Variants in GABRA3 observed in about 807,000 individuals in gnomAD.
The protein encoded by GABRA3 is gamma-aminobutyric acid receptor subunit alpha-3.
In GABRA3, 10 loss-of-function variants were observed where a neutral mutation model predicts 30.1. That is an observed-to-expected ratio of 0.33 (90% CI 0.20 to 0.56). The LOEUF is 0.56. Ranked by LOEUF, GABRA3 falls within the 20% of genes least tolerant of loss-of-function variation. The pLI is 0.89. For synonymous variants in GABRA3, 151 were observed against 146.8 expected (o/e 1.03, Z -0.21); for missense variants, 233 against 392.0 (o/e 0.59, Z 3.42).
chrX:152,257,525 C>G (rs999643592), intron 4 of GABRA3, among the ~76,000 whole-genome samples: 17 of 112,708 alleles, frequency 1.5e-4, no homozygotes, highest in African/African-American at 4.8e-4. Context: ...GAGTTATTCT[C>G]CAAACACTCT....
rs552616317 is a variant in GABRA3 at position 152,245,022 on chromosome X, C to T, written c.551+10756G>A. Among the ~76,000 whole-genome samples the T allele has an allele frequency of 2.7e-4, 30 of 110,843 alleles. 2 individuals carry two copies. The South Asian group carries it at 0.011, about 40-fold the overall frequency. ...AAAGGTTCCCACACTAACTAGAATC[C>T]TAAAGGTTAAAAATCTAAAGTTTAT... On this transcript the variant is annotated intron_variant, in intron 5 of 9. Transcript: ENST00000370314.
chrX:152,221,183 A>G (rs1603214494), intron 6 of GABRA3, among the ~76,000 whole-genome samples: 2 of 111,439 alleles, frequency 1.8e-5, no homozygotes, highest in African/African-American at 6.5e-5. Context: ...CTTTTCCAAG[A>G]TCATGGAGAT....
chrX:152,216,785 T>G (rs904989532), intron 6 of GABRA3, among the ~76,000 whole-genome samples: 6 of 109,675 alleles, frequency 5.5e-5, no homozygotes, highest in African/African-American at 2.0e-4. Flanking sequence ...TTGTATGATA[T>G]ATTTCAAAAT....
chrX:152,237,039 C>A (rs1454948682), intron 5 of GABRA3, among the ~76,000 whole-genome samples: 1 of 108,875 alleles, frequency 9.2e-6, no homozygotes, highest in African/African-American at 3.4e-5. Context: ...GTTGCCATTG[C>A]TTTTGGTGTT....
chrX:152,263,852 T>C (rs6627563), intron 4 of GABRA3, among the ~76,000 whole-genome samples: 5,640 of 111,341 alleles, frequency 0.051, 280 homozygotes, highest in African/African-American at 0.15. Flanking sequence ...AGAAACAACA[T>C]GCAATGGATC....
At chrX:152,369,300 T>C (rs889347428) in intron 1 of GABRA3, among the ~76,000 whole-genome samples, 1 of 111,695 alleles carries the variant, frequency 9.0e-6, no homozygotes, top group African/African-American at 3.3e-5. Context: ...TTCCACAATG[T>C]GTATATACCT....
chrX:152,255,194 A>T (rs957555733), intron 5 of GABRA3, among the ~76,000 whole-genome samples: 4 of 111,946 alleles, frequency 3.6e-5, no homozygotes, highest in Non-Finnish European at 5.6e-5. Context: ...ATAATCTTAA[A>T]TTGTTTGGAA....
chrX:152,292,268 T>C (rs1418003004), intron 3 of GABRA3, among the ~76,000 whole-genome samples: 1 of 111,986 alleles, frequency 8.9e-6, no homozygotes, highest in Non-Finnish European at 1.9e-5. Context: ...TCGAGGAATT[T>C]ATTCATTTCT....
At position 152,345,712 on chromosome X, in the gene GABRA3, T is replaced by C. The variant is rs202235982; in HGVS notation, c.141-10A>G. On this transcript the variant is annotated splice_polypyrimidine_tract_variant and intron_variant, in intron 2 of 9. Transcript: ENST00000370314. ...ATGCTTAGGAGACAGCCTGAGGCAA[T>C]GCAAGGAAAAGAAAAAAAATAATAG... 7 of 1,153,878 alleles carry C rather than the reference T, an allele frequency of 6.1e-6. No homozygotes were observed. The highest frequency in any genetic ancestry group is 8.0e-6 in the Non-Finnish European group (7 of 874,794).
At chrX:152,172,257 C>G (rs1196894055) in intron 9 of GABRA3, among the ~76,000 whole-genome samples, 1 of 111,566 alleles carries the variant, frequency 9.0e-6, no homozygotes, top group Non-Finnish European at 1.9e-5. Flanking sequence ...GAGACCCCAC[C>G]TCACATTATG....
intron 5 of GABRA3, among the ~76,000 whole-genome samples, chrX:152,231,148 T>G (rs200026115): frequency 0.058 from 6,034 of 104,838 alleles, 416 homozygotes; most frequent in East Asian, 0.33. Context: ...AGTGTATATA[T>G]ATATATACAC....
In GABRA3 at chrX:152,261,013, T is replaced by C. The variant is rs150103715; in HGVS notation, c.331-5015A>G. The stretch of plus-strand genomic sequence containing the variant: ...AGAGACCTCAGGAAACTTACAATCA[T>C]GGCAGAAGGGGAAGCAAACATGTCC... On this transcript the variant is annotated intron_variant, in intron 4 of 9. Transcript: ENST00000370314. Among the ~76,000 whole-genome samples, 309 of 111,875 alleles carry C rather than the reference T, an allele frequency of 2.8e-3. 2 individuals are homozygous for C. Among genetic ancestry groups the C allele is most frequent in the African/African-American group, 9.6e-3 (294 of 30,783 alleles).
rs1161786102 is a variant in GABRA3, at chrX:152,168,682, G to A, written c.1144-119C>T. 5.0e-5 allele frequency: 26 copies of A among 519,927 alleles called. No homozygotes were observed. In the East Asian group the frequency reaches 9.1e-4, roughly 18 times the overall value. 42.8% of individuals were successfully genotyped at this position (519,927 alleles called of 1,213,427 possible). ...GAGCCATGAGGGAAGTTAAGGCACA[G>A]GGGCCATGTAGCCAATAGCACTAGT... On this transcript the variant is annotated intron_variant, in intron 9 of 9. Coordinates refer to ENST00000370314, the MANE Select transcript of GABRA3 (RefSeq NM_000808.4).
rs372945681 is a variant in GABRA3, at chrX:152,320,064, TA to T, written c.262+25516del. On this transcript the variant is annotated intron_variant, in intron 3 of 9. Coordinates refer to ENST00000370314, the MANE Select transcript of GABRA3 (RefSeq NM_000808.4). Reference sequence around the variant, plus strand: ...GAAAGGATGGCCATAATCAAAAACATAAAAAAAAAGACGTTGGCATAGATGC... The same window carrying T: ...GAAAGGATGGCCATAATCAAAAACATAAAAAAAAGACGTTGGCATAGATGC... Among the ~76,000 whole-genome samples the T allele has an allele frequency of 9.1e-4, 98 of 107,732 alleles. 1 individual carries two copies. The highest frequency in any genetic ancestry group is 1.3e-3 in the Non-Finnish European group (66 of 51,642). 93.6% of individuals were successfully genotyped at this position (107,732 alleles called of 115,157 possible).
intron 1 of GABRA3, among the ~76,000 whole-genome samples, chrX:152,435,335 G>A (rs1166654748): frequency 9.0e-6 from 1 of 111,384 alleles, no homozygotes; most frequent in Admixed American, 9.6e-5. Flanking sequence ...GCAAAGACTT[G>A]GTACCAACCC....
At chrX:152,199,464 G>A (rs1344706890) in intron 7 of GABRA3, among the ~76,000 whole-genome samples, 1 of 97,635 alleles carries the variant, frequency 1.0e-5, no homozygotes, top group Admixed American at 1.1e-4. Context: ...CCAGAAACTA[G>A]GGAGAGGCAA....
At chrX:152,282,390 T>G (rs1212105009) in intron 4 of GABRA3, among the ~76,000 whole-genome samples, 1 of 110,752 alleles carries the variant, frequency 9.0e-6, no homozygotes, top group Non-Finnish European at 1.9e-5. Context: ...GGCCCTGGGA[T>G]CAATTGAACA....
intron 2 of GABRA3, among the ~76,000 whole-genome samples, chrX:152,357,694 C>T (rs1940572601): frequency 9.0e-6 from 1 of 111,583 alleles, no homozygotes; most frequent in African/African-American, 3.3e-5. Flanking sequence ...GAAATCTTTG[C>T]CAGGTCCTAT....
rs752974817 is a variant in GABRA3, at chrX:152,237,216, C to T, written c.552-12371G>A. 1.7e-4 allele frequency among the ~76,000 whole-genome samples: 19 copies of T among 111,310 alleles called. No homozygotes were observed. The East Asian group carries it at 5.4e-3, about 32-fold the overall frequency. Reference sequence around the variant, plus strand: ...TCCAGTTTCAGCTTTCTCCATATGGCTAGCCAGTTTTCCCAGCACCATTTA... The same window carrying T: ...TCCAGTTTCAGCTTTCTCCATATGGTTAGCCAGTTTTCCCAGCACCATTTA... On this transcript the variant is annotated intron_variant, in intron 5 of 9. Coordinates refer to ENST00000370314, the MANE Select transcript of GABRA3 (RefSeq NM_000808.4).
Sources: allele counts gnomAD v4.1 joint callset (sites outside exome capture counted in the v4.1 genomes callset), GRCh38; gene constraint gnomAD v4.1.1; transcripts MANE v1.5; gene names NCBI Gene and HGNC (gene_info 2026-07-23, HGNC 2026-07-21).